PARN: variants seen among roughly 807,000 people sequenced by gnomAD.
The protein encoded by PARN is poly(A)-specific ribonuclease.
A neutral mutation model predicts 102.8 loss-of-function variants in PARN; 71 were observed. The observed-to-expected ratio is 0.69, with a 90% CI of 0.57 to 0.84. The LOEUF (loss-of-function observed/expected upper bound fraction) is 0.84. PARN is among the 40% of genes least tolerant of loss of function. PARN has a pLI of 0.00. For missense variants in PARN, 782 were observed against 760.9 expected, an observed-to-expected ratio of 1.03 and a Z score of -0.33; for synonymous variants, 261 against 252.9, an observed-to-expected ratio of 1.03 and a Z score of -0.30.
rs562693613 is a variant in PARN, at chr16:14,563,518, G to A, written c.1263-7809C>T. ...TGTGTGTGTGTGTGTGTGTGTGTGTGTGTGTATATAATTCTTTTAAGTTCT... is the reference window on the plus strand; with the variant it reads ...TGTGTGTGTGTGTGTGTGTGTGTGTATGTGTATATAATTCTTTTAAGTTCT... On this transcript the variant is annotated intron_variant, in intron 18 of 23. Transcript: ENST00000437198. Among the ~76,000 whole-genome samples the A allele has an allele frequency of 6.4e-3, 438 of 68,072 alleles. 5 individuals are homozygous for A. Among genetic ancestry groups the A allele is most frequent in the African/African-American group, 0.024 (378 of 16,000 alleles). The allele number at this position is 68,072 out of a possible 152,430, so 44.7% of individuals were successfully genotyped here. A position where few individuals can be genotyped will look rare whatever the true frequency, so the allele number is the denominator to read the frequency against.
chr16:14,464,779 A>G (rs570269419), intron 22 of PARN, among the ~76,000 whole-genome samples: 2 of 152,074 alleles, frequency 1.3e-5, no homozygotes, highest in African/African-American at 2.4e-5. Flanking sequence ...AAAAAAAAAA[A>G]GGTGAAATAA....
At chr16:14,547,982 T>C (rs1343762137) in intron 21 of PARN, among the ~76,000 whole-genome samples, 1 of 151,798 alleles carries the variant, frequency 6.6e-6, no homozygotes, top group Non-Finnish European at 1.5e-5. Context: ...CGGTGGCTCA[T>C]GCTTGTAATC....
chr16:14,572,087 T>C (rs2967242), intron 18 of PARN, among the ~76,000 whole-genome samples: 152,090 of 152,312 alleles, frequency 1, 75,941 homozygotes, highest in Middle Eastern at 1. Context: ...GTGGAATTAC[T>C]GTAAGACTCA....
At chr16:14,545,164 A>C (rs1167422445) in intron 21 of PARN, among the ~76,000 whole-genome samples, 1 of 152,216 alleles carries the variant, frequency 6.6e-6, no homozygotes, top group Admixed American at 6.5e-5. Context: ...TGGGTGACAG[A>C]GCCAGACTCT....
At chr16:14,486,408 A>G (rs1596493283) in intron 21 of PARN, among the ~76,000 whole-genome samples, 1 of 152,184 alleles carries the variant, frequency 6.6e-6, no homozygotes, top group South Asian at 2.1e-4. Flanking sequence ...TTGGATTACC[A>G]AGTAGGAGAG....
rs1960650690 is a variant in PARN at position 14,435,718 on chromosome 16, T to G, written c.*999A>C. On this transcript the variant is annotated 3_prime_UTR_variant, in exon 24 of 24. Transcript: ENST00000437198. ...AACCAGAGTCCTATGAAAATGTTTT[T>G]AATTTTCATCTTTTGGAAATACATT... 1 of 152,164 alleles carries G rather than the reference T, an allele frequency of 6.6e-6. No individual in the cohort carries two copies. The highest frequency in any genetic ancestry group is 2.1e-4 in the South Asian group (1 of 4,830). 9.4% of individuals were successfully genotyped at this position (152,164 alleles called of 1,614,324 possible). A position where few individuals can be genotyped will look rare whatever the true frequency, so the allele number is the denominator to read the frequency against.
At chr16:14,582,127 G>A in intron 17 of PARN, 54 bp downstream of exon 17, 2 of 1,091,150 alleles carry the variant, frequency 1.8e-6, no homozygotes, top group Non-Finnish European at 2.8e-6. Flanking sequence ...CAGGAGACAG[G>A]TAAGATCCAC....
At chr16:14,561,521 GT>G (rs1968061067) in intron 18 of PARN, among the ~76,000 whole-genome samples, 1 of 152,228 alleles carries the variant, frequency 6.6e-6, no homozygotes, top group Non-Finnish European at 1.5e-5. Context: ...TTAATGATTT[GT>G]TTATATTAAA....
At chr16:14,540,689 AG>A (rs951519029) in intron 21 of PARN, among the ~76,000 whole-genome samples, 1 of 152,128 alleles carries the variant, frequency 6.6e-6, no homozygotes, top group Non-Finnish European at 1.5e-5. Flanking sequence ...AGATTTTAGG[AG>A]GCTGAGGCAG....
intron 22 of PARN, among the ~76,000 whole-genome samples, chr16:14,480,373 A>T (rs1963312944): frequency 6.6e-6 from 1 of 152,208 alleles, no homozygotes; most frequent in South Asian, 2.1e-4. Flanking sequence ...ATTTACAAAC[A>T]TCACAAAGAA....
intron 21 of PARN, among the ~76,000 whole-genome samples, chr16:14,511,560 G>A (rs1478659715): frequency 2.0e-5 from 3 of 152,032 alleles, no homozygotes; most frequent in Admixed American, 2.0e-4. Flanking sequence ...GACTCAATGA[G>A]CTCAAATCAT....
At chr16:14,614,304 C>G (rs947329314) in intron 6 of PARN, among the ~76,000 whole-genome samples, 2 of 151,606 alleles carry the variant, frequency 1.3e-5, no homozygotes, top group Non-Finnish European at 2.9e-5. Flanking sequence ...AGTTTTTGAC[C>G]CTAAGACCCA....
At position 14,451,869 on chromosome 16, in the gene PARN, C is replaced by CA. The variant is rs869041563; in HGVS notation, c.1671-4789dup. ...AAAAAAAAAAAAAAAAAAAAAAATACAAAAAAAAAAAAAAAAAAAAAAATA... is the reference window on the plus strand; with the variant it reads ...AAAAAAAAAAAAAAAAAAAAAAATACAAAAAAAAAAAAAAAAAAAAAAAATA... On this transcript the variant is annotated intron_variant, in intron 22 of 23. Transcript: ENST00000437198. Among the ~76,000 whole-genome samples the CA allele has an allele frequency of 9.9e-3, 518 of 52,490 alleles. 12 individuals carry two copies. The highest frequency in any genetic ancestry group is 0.012 in the African/African-American group (136 of 11,424). The allele number at this position is 52,490 out of a possible 152,430, so 34.4% of individuals were successfully genotyped here.
intron 21 of PARN, among the ~76,000 whole-genome samples, chr16:14,495,081 C>T (rs1398621321): frequency 6.6e-6 from 1 of 152,218 alleles, no homozygotes; most frequent in South Asian, 2.1e-4. Context: ...AACTTAGGAG[C>T]ACCGGCCTTT....
At chr16:14,476,835 G>A (rs796583989) in intron 22 of PARN, among the ~76,000 whole-genome samples, 5 of 152,080 alleles carry the variant, frequency 3.3e-5, no homozygotes, top group African/African-American at 1.2e-4. Flanking sequence ...AACACAAAGA[G>A]GTATAAGCAA....
intron 21 of PARN, among the ~76,000 whole-genome samples, chr16:14,539,918 T>C (rs1966777250): frequency 6.6e-6 from 1 of 151,218 alleles, no homozygotes; most frequent in Admixed American, 6.6e-5. Context: ...CAATATACAA[T>C]ATAACAACTA....
intron 6 of PARN, among the ~76,000 whole-genome samples, chr16:14,615,669 G>C (rs1228674418): frequency 6.6e-6 from 1 of 152,136 alleles, no homozygotes; most frequent in Non-Finnish European, 1.5e-5. Context: ...AAGAGGCAAA[G>C]GTAAGTGAAT....
chr16:14,503,219 CTCT>C (rs1392364352), intron 21 of PARN, among the ~76,000 whole-genome samples: 1 of 152,122 alleles, frequency 6.6e-6, no homozygotes, highest in Non-Finnish European at 1.5e-5. Context: ...CTTCCACCTT[CTCT>C]TCTTGGCAGC....
chr16:14,460,222 T>C (rs1184114632), intron 22 of PARN, among the ~76,000 whole-genome samples: 3 of 152,228 alleles, frequency 2.0e-5, no homozygotes, highest in African/African-American at 7.2e-5. Flanking sequence ...ACCCAGAGCT[T>C]CTTATCAATT....
Sources: allele counts gnomAD v4.1 joint callset (sites outside exome capture counted in the v4.1 genomes callset), GRCh38; gene constraint gnomAD v4.1.1; transcripts MANE v1.5; gene names NCBI Gene and HGNC (gene_info 2026-07-23, HGNC 2026-07-21).